Variants in PIKFYVE observed in about 807,000 individuals in gnomAD.
PIKFYVE encodes the protein 1-phosphatidylinositol 3-phosphate 5-kinase.
PIKFYVE carries 122 observed loss-of-function variants against 257.9 expected under a neutral mutation model. The observed-to-expected ratio is 0.47, with a 90% confidence interval of 0.41 to 0.55. PIKFYVE has a LOEUF of 0.55. PIKFYVE is among the 20% of genes least tolerant of loss of function. The probability of loss-of-function intolerance (pLI) is 0.00; values close to 1 mark genes in which losing one functional copy is unlikely to be tolerated. For synonymous variants in PIKFYVE, 892 were observed against 868.9 expected (o/e 1.03, Z -0.47); for missense variants, 2,160 against 2,536.6 (o/e 0.85, Z 3.19).
At chr2:208,288,967 A>G (rs2125188368) in intron 7 of PIKFYVE, 149 bp downstream of exon 7, 3 of 1,100,374 alleles carry the variant, frequency 2.7e-6, no homozygotes, top group South Asian at 1.5e-5. Flanking sequence ...TCTTTTTGCT[A>G]TTCAGCCCTT....
At chr2:208,301,417 A>G (rs1011001626) in intron 9 of PIKFYVE, among the ~76,000 whole-genome samples, 7 of 152,320 alleles carry the variant, frequency 4.6e-5, no homozygotes, top group South Asian at 2.1e-4. Context: ...ACTAATCTAG[A>G]CAGGTTGTAA....
At chr2:208,331,090 G>A (rs1378859217) in intron 23 of PIKFYVE, among the ~76,000 whole-genome samples, 2 of 152,122 alleles carry the variant, frequency 1.3e-5, no homozygotes, top group East Asian at 3.8e-4. Flanking sequence ...GACTTGTAAA[G>A]CAATAACTGC....
intron 12 of PIKFYVE, 67 bp from the exon 13 acceptor site, chr2:208,312,169 T>C: frequency 8.9e-7 from 1 of 1,123,168 alleles, no homozygotes; most frequent in East Asian, 2.4e-5. Context: ...TATATAATTA[T>C]GCTGACATGT....
intron 22 of PIKFYVE, 91 bp from the exon 23 acceptor site, chr2:208,330,432 G>A (rs2125629621): frequency 1.4e-6 from 2 of 1,459,462 alleles, no homozygotes; most frequent in East Asian, 4.5e-5. Context: ...AGTACCTTGT[G>A]CAGATTGTTC....
At chr2:208,273,842 A>G (rs1443815407) in intron 3 of PIKFYVE, 109 bp downstream of exon 3, 6 of 1,441,676 alleles carry the variant, frequency 4.2e-6, no homozygotes, top group Non-Finnish European at 5.8e-6. Context: ...TATTTGGAAT[A>G]GTAAGATACT....
chr2:208,327,624 A>G (rs1697080090), intron 20 of PIKFYVE, among the ~76,000 whole-genome samples: 1 of 152,250 alleles, frequency 6.6e-6, no homozygotes, highest in Non-Finnish European at 1.5e-5. Flanking sequence ...TAGCAAAAAG[A>G]ATAGATATTT....
chr2:208,298,242 T>G (rs1693229362), intron 7 of PIKFYVE, among the ~76,000 whole-genome samples: 1 of 152,184 alleles, frequency 6.6e-6, no homozygotes, highest in African/African-American at 2.4e-5. Context: ...TTCTTTATAT[T>G]TGTTATTAAA....
At chr2:208,349,903 G>T (rs1276157464) in intron 35 of PIKFYVE, 121 bp from the exon 36 acceptor site, 1 of 1,416,804 alleles carries the variant, frequency 7.1e-7, no homozygotes, top group African/African-American at 1.4e-5. Flanking sequence ...AGTGACTTGA[G>T]TAGGATATTT....
chr2:208,277,989 T>C (rs1159161633), intron 5 of PIKFYVE, among the ~76,000 whole-genome samples: 1 of 152,196 alleles, frequency 6.6e-6, no homozygotes, highest in Non-Finnish European at 1.5e-5. Context: ...TTAGAGTAGA[T>C]TACTAATTTA....
intron 5 of PIKFYVE, among the ~76,000 whole-genome samples, chr2:208,283,968 G>A (rs1413246293): frequency 2.0e-5 from 3 of 151,950 alleles, no homozygotes; most frequent in African/African-American, 7.3e-5. Context: ...TAGTGATTAT[G>A]GTAAAAACAT....
At chr2:208,308,542 C>G (rs1694608844) in intron 12 of PIKFYVE, among the ~76,000 whole-genome samples, 1 of 152,088 alleles carries the variant, frequency 6.6e-6, no homozygotes, top group African/African-American at 2.4e-5. Context: ...ACTTATTCCT[C>G]CTGTCTGAAT....
chr2:208,281,524 G>A (rs1391147111), intron 5 of PIKFYVE, among the ~76,000 whole-genome samples: 1 of 152,206 alleles, frequency 6.6e-6, no homozygotes. Flanking sequence ...ATGGGTCACA[G>A]TTTGTATCTC....
In PIKFYVE at chr2:208,273,294, A is replaced by G. The variant is rs188156981; in HGVS notation, c.173-290A>G. Among the ~76,000 whole-genome samples the G allele has an allele frequency of 1.6e-4, 24 of 152,072 alleles. No homozygotes were observed. In the East Asian group the frequency reaches 4.6e-3, roughly 29 times the overall value. On this transcript the variant is annotated intron_variant, in intron 2 of 41. Coordinates refer to ENST00000264380, the MANE Select transcript of PIKFYVE (RefSeq NM_015040.4). ...GCCTGTAATTTTGCCTCCTTCTTTG[A>G]ATTTTCTTTTTTTAAAATCTAGGCT...
intron 7 of PIKFYVE, among the ~76,000 whole-genome samples, chr2:208,293,079 A>G (rs1230007285): frequency 5.6e-5 from 3 of 53,920 alleles, no homozygotes; most frequent in Non-Finnish European, 8.2e-5. Flanking sequence ...TACGAGTTAC[A>G]TTCTTTTTTT....
chr2:208,330,235 C>A (rs1161020274), intron 22 of PIKFYVE, among the ~76,000 whole-genome samples: 2 of 152,152 alleles, frequency 1.3e-5, no homozygotes. Flanking sequence ...TTAGCATCAT[C>A]ACTCGCCACT....
At chr2:208,342,256 TTGTAA>T (rs1188385059) in intron 31 of PIKFYVE, among the ~76,000 whole-genome samples, 2 of 152,208 alleles carry the variant, frequency 1.3e-5, no homozygotes, top group African/African-American at 4.8e-5. Context: ...TCTCTCTAGC[TTGTAA>T]TGGAACAAAA....
chr2:208,304,140 A>G (rs1207881637), intron 10 of PIKFYVE, 31 bp from the exon 11 acceptor site: 2 of 1,612,910 alleles, frequency 1.2e-6, no homozygotes, highest in Non-Finnish European at 1.7e-6. Flanking sequence ...ATTGAAGGCC[A>G]ATTGCTTGGA....
At chr2:208,290,140 A>G (rs1171929014) in intron 7 of PIKFYVE, among the ~76,000 whole-genome samples, 1 of 152,198 alleles carries the variant, frequency 6.6e-6, no homozygotes, top group African/African-American at 2.4e-5. Flanking sequence ...TCTAAAAGTT[A>G]ATAGTTAACA....
chr2:208,354,791 A>G (rs2125839769), intron 41 of PIKFYVE, 146 bp downstream of exon 41: 2 of 709,902 alleles, frequency 2.8e-6, no homozygotes, highest in Admixed American at 2.4e-5. Context: ...ACCAAACAAT[A>G]ATGAGAATTA....
Sources: gnomAD v4.1 joint callset for allele counts (sites outside exome capture counted in the v4.1 genomes callset) on GRCh38, gnomAD v4.1.1 for gene constraint, MANE v1.5 for transcripts, NCBI Gene and HGNC (gene_info 2026-07-23, HGNC 2026-07-21) for gene names.